Variants in PCGF5 observed in about 807,000 individuals in gnomAD.
PCGF5 encodes polycomb group ring finger 5, also known as polycomb group RING finger protein 5.
In PCGF5, 9 loss-of-function variants were observed where a neutral mutation model predicts 44.3. That is an observed-to-expected ratio of 0.20 (90% CI 0.12 to 0.35). PCGF5 has a LOEUF of 0.35. PCGF5 is among the 10% of genes least tolerant of loss of function. The probability of loss-of-function intolerance (pLI) is 1.00; values close to 1 mark genes in which losing one functional copy is unlikely to be tolerated. For synonymous variants in PCGF5, 95 were observed against 102.5 expected, an observed-to-expected ratio of 0.93 and a Z score of 0.44; for missense variants, 146 against 305.3, an observed-to-expected ratio of 0.48 and a Z score of 3.89.
chr10:91,173,202 G>A (rs1843642328), intron 1 of PCGF5, among the ~76,000 whole-genome samples: 1 of 152,296 alleles, frequency 6.6e-6, no homozygotes, highest in African/African-American at 2.4e-5. Flanking sequence ...AATTTTTAAA[G>A]TGTTTTGAAT....
chr10:91,184,724 G>GT (rs111815193), intron 1 of PCGF5, among the ~76,000 whole-genome samples: 3,173 of 148,208 alleles, frequency 0.021, 101 homozygotes, highest in African/African-American at 0.072. Context: ...TTGCTGTTTT[G>GT]TTTTTTTTTT....
intron 1 of PCGF5, among the ~76,000 whole-genome samples, chr10:91,177,640 C>A (rs1177240792): frequency 6.6e-6 from 1 of 152,228 alleles, no homozygotes; most frequent in Non-Finnish European, 1.5e-5. Context: ...TGCTGCCTTG[C>A]AGTTCAATCT....
At chr10:91,253,326 GC>G in intron 6 of PCGF5, among the ~76,000 whole-genome samples, 1 of 151,634 alleles carries the variant, frequency 6.6e-6, no homozygotes, top group Non-Finnish European at 1.5e-5. Context: ...ATCCTGTCTC[GC>G]CCCCTACCAT....
upstream of PCGF5, among the ~76,000 whole-genome samples, chr10:91,216,770 G>T (rs1250599967): frequency 6.6e-6 from 1 of 152,150 alleles, no homozygotes; most frequent in Non-Finnish European, 1.5e-5. Flanking sequence ...GGTCAAGGGT[G>T]ATTGGAAGTT....
chr10:91,180,028 A>G (rs183336236), intron 1 of PCGF5, among the ~76,000 whole-genome samples: 71 of 152,052 alleles, frequency 4.7e-4, no homozygotes, highest in African/African-American at 1.6e-3. Flanking sequence ...TTACTTTTTA[A>G]TAATAGCCAT....
At chr10:91,247,971 TCTG>T (rs1240455451) in intron 3 of PCGF5, among the ~76,000 whole-genome samples, 1 of 152,180 alleles carries the variant, frequency 6.6e-6, no homozygotes. Context: ...CATTGGGTAA[TCTG>T]CTGTGCTGAT....
At chr10:91,202,281 C>T (rs544676192) in intron 1 of PCGF5, among the ~76,000 whole-genome samples, 2 of 152,264 alleles carry the variant, frequency 1.3e-5, no homozygotes, top group African/African-American at 4.8e-5. Context: ...CCTATAGACT[C>T]TGAAGCAAAA....
chr10:91,160,417 C>A (rs528396459), upstream of PCGF5, among the ~76,000 whole-genome samples: 8 of 152,118 alleles, frequency 5.3e-5, no homozygotes, highest in Non-Finnish European at 1.2e-4. Flanking sequence ...CAGGCAATAG[C>A]AAAGTCACCA....
At chr10:91,179,124 C>T (rs1275004590) in intron 1 of PCGF5, among the ~76,000 whole-genome samples, 1 of 152,184 alleles carries the variant, frequency 6.6e-6, no homozygotes, top group East Asian at 1.9e-4. Context: ...TGCTTGCTTC[C>T]TAAACATCTT....
Position 91,227,600 on chromosome 10 carries a change from A to G in PCGF5, c.112+4617A>G, listed in dbSNP as rs1222016363. 5 of 1,170,538 alleles carry G rather than the reference A, an allele frequency of 4.3e-6. No individual in the cohort carries two copies. The Admixed American group carries it at 1.2e-4, about 27-fold the overall frequency. The allele number at this position is 1,170,538 out of a possible 1,614,324, so 72.5% of individuals were successfully genotyped here. ...TATTACATCTCACCAAAGCCACTGC[A>G]GCACATTCTTAACTGTGTCCAAGTG... On this transcript the variant is annotated intron_variant, in intron 2 of 9. Coordinates refer to ENST00000336126, the MANE Select transcript of PCGF5 (RefSeq NM_032373.5).
At chr10:91,272,372 T>A (rs1223184443) in intron 9 of PCGF5, among the ~76,000 whole-genome samples, 2 of 152,172 alleles carry the variant, frequency 1.3e-5, no homozygotes, top group South Asian at 2.1e-4. Flanking sequence ...GGGCCAGGCA[T>A]AGTGGCTCAT....
intron 2 of PCGF5, among the ~76,000 whole-genome samples, chr10:91,231,613 T>C (rs1845005451): frequency 6.6e-6 from 1 of 152,214 alleles, no homozygotes; most frequent in South Asian, 2.1e-4. Flanking sequence ...GTGATGGGGT[T>C]GGGCATGGCC....
chr10:91,266,025 A>T (rs745518131), intron 8 of PCGF5, among the ~76,000 whole-genome samples: 1 of 152,214 alleles, frequency 6.6e-6, no homozygotes, highest in Non-Finnish European at 1.5e-5. Context: ...ATGATTGTAC[A>T]TACATCAATC....
intron 2 of PCGF5, chr10:91,227,924 A>T: frequency 2.0e-6 from 2 of 980,420 alleles, no homozygotes; most frequent in Non-Finnish European, 2.4e-6. Flanking sequence ...GTGTCTCAAT[A>T]AAATCTTAAA....
rs755259056 is a variant in PCGF5 at position 91,222,843 on chromosome 10, C to A, written c.-29C>A. 13 of 1,405,338 alleles carry A rather than the reference C, an allele frequency of 9.3e-6. No individual in the cohort carries two copies. Among genetic ancestry groups the A allele is most frequent in the Admixed American group, 6.7e-5 (4 of 59,556 alleles). 87.1% of individuals were successfully genotyped at this position (1,405,338 alleles called of 1,614,324 possible). A position where few individuals can be genotyped will look rare whatever the true frequency, so the allele number is the denominator to read the frequency against. On this transcript the variant is annotated 5_prime_UTR_variant, in exon 2 of 10. Coordinates refer to ENST00000336126, the MANE Select transcript of PCGF5 (RefSeq NM_032373.5). ...TACTTAGGACCCCTCTTTGCCCAGA[C>A]TACTAAAGCCAGTCTTCACTAGCCA...
At chr10:91,241,396 G>T (rs1845322283) in intron 3 of PCGF5, among the ~76,000 whole-genome samples, 1 of 152,028 alleles carries the variant, frequency 6.6e-6, no homozygotes, top group Admixed American at 6.6e-5. Context: ...ACTGGAAGTG[G>T]TCTATGAGAT....
chr10:91,181,713 G>A (rs1173747745), intron 1 of PCGF5, among the ~76,000 whole-genome samples: 2 of 152,204 alleles, frequency 1.3e-5, no homozygotes, highest in East Asian at 3.8e-4. Context: ...TCCCGGGGAT[G>A]AAGACCACTT....
chr10:91,163,517 G>A (rs1034017632), intron 1 of PCGF5, among the ~76,000 whole-genome samples: 9 of 151,996 alleles, frequency 5.9e-5, no homozygotes, highest in Non-Finnish European at 1.0e-4. Context: ...CAGCAGCGGC[G>A]CCTCCGCCGA....
intron 1 of PCGF5, among the ~76,000 whole-genome samples, chr10:91,207,130 A>G (rs1447561721): frequency 6.6e-6 from 1 of 152,210 alleles, no homozygotes; most frequent in Non-Finnish European, 1.5e-5. Flanking sequence ...TTTAGCATAG[A>G]AAGACCCTTT....
Sources: gnomAD v4.1 joint callset for allele counts (sites outside exome capture counted in the v4.1 genomes callset) on GRCh38, gnomAD v4.1.1 for gene constraint, MANE v1.5 for transcripts, NCBI Gene and HGNC (gene_info 2026-07-23, HGNC 2026-07-21) for gene names.